The following QKI variants were observed in gnomAD, a reference collection of about 807,000 sequenced individuals.
The protein encoded by QKI is KH domain-containing RNA-binding protein QKI.
In QKI, 10 loss-of-function variants were observed where a neutral mutation model predicts 39.0. That is an observed-to-expected ratio of 0.26 (90% CI 0.16 to 0.43). The LOEUF is 0.43. QKI is among the 20% of genes least tolerant of loss of function. The pLI, the probability that QKI is intolerant of heterozygous loss-of-function variation, is 1.00. For missense variants in QKI, 218 were observed against 428.0 expected (o/e 0.51, Z 4.33); for synonymous variants, 204 against 155.4 (o/e 1.31, Z -2.33).
rs192243895 is a variant in QKI, at chr6:163,475,398, A to G, written c.286-3382A>G. Among the ~76,000 whole-genome samples the G allele has an allele frequency of 2.4e-3, 360 of 152,320 alleles. 1 individual carries two copies. Among genetic ancestry groups the G allele is most frequent in the African/African-American group, 8.3e-3 (347 of 41,568 alleles). On this transcript the variant is annotated intron_variant, in intron 2 of 7. Transcript: ENST00000361752. ...TAACAGTGATTTACACAGTATTTAC[A>G]TTGTATTAGGTATTTTAAGTAATCT...
Position 163,575,512 on chromosome 6 carries a change from A to G in QKI, c.*4802A>G, listed in dbSNP as rs2128254421. The stretch of plus-strand genomic sequence containing the variant: ...CAGTTGAAAGCTGAGCTTTCAGTCA[A>G]GAAGTTGGTGAAATTAATGTCCTTA... On this transcript the variant is annotated 3_prime_UTR_variant, in exon 8 of 8. Coordinates refer to ENST00000361752, the MANE Select transcript of QKI (RefSeq NM_006775.3). The G allele has an allele frequency of 6.6e-6, 1 of 152,334 alleles. No individual in the cohort carries two copies. The highest frequency in any genetic ancestry group is 1.5e-5 in the Non-Finnish European group (1 of 68,026). The allele number at this position is 152,334 out of a possible 1,614,324, so 9.4% of individuals were successfully genotyped here.
intron 3 of QKI, among the ~76,000 whole-genome samples, chr6:163,531,383 C>T (rs978024732): frequency 2.6e-5 from 4 of 152,146 alleles, no homozygotes; most frequent in Non-Finnish European, 5.9e-5. Flanking sequence ...TTCTGGTCTA[C>T]TGCTGGGAAT....
intron 1 of QKI, among the ~76,000 whole-genome samples, chr6:163,426,044 A>G (rs1788378090): frequency 1.3e-5 from 2 of 152,222 alleles, no homozygotes; most frequent in African/African-American, 4.8e-5. Context: ...GTATCTTTAA[A>G]AGTTAACACT....
At chr6:163,513,409 A>G (rs1005559801) in intron 3 of QKI, among the ~76,000 whole-genome samples, 1 of 152,230 alleles carries the variant, frequency 6.6e-6, no homozygotes, top group Non-Finnish European at 1.5e-5. Flanking sequence ...AGATTAATTG[A>G]CAGAGAACTT....
At chr6:163,524,335 TA>T (rs1210235030) in intron 3 of QKI, among the ~76,000 whole-genome samples, 1 of 111,850 alleles carries the variant, frequency 8.9e-6, no homozygotes, top group Admixed American at 1.1e-4. Flanking sequence ...GGTTAAAAAA[TA>T]AATTATCTTA....
intron 2 of QKI, among the ~76,000 whole-genome samples, chr6:163,457,086 T>C (rs911156691): frequency 3.9e-5 from 6 of 152,148 alleles, no homozygotes; most frequent in Non-Finnish European, 8.8e-5. Flanking sequence ...TGGGGTCTAC[T>C]GCTGTTAGGT....
chr6:163,546,842 C>A lies in QKI; in HGVS notation c.546+11717C>A, dbSNP rs894153502. ...TATCCTGCTTATTCATCACAAGGCT[C>A]CTTTATGGGAATTAACTCTGAAACC... On this transcript the variant is annotated intron_variant, in intron 4 of 7. Transcript: ENST00000361752. 2.0e-5 allele frequency among the ~76,000 whole-genome samples: 3 copies of A among 151,894 alleles called. No homozygotes were observed. In the South Asian group the frequency reaches 6.2e-4, roughly 32 times the overall value.
chr6:163,499,348 A>T (rs1778604702), intron 3 of QKI, among the ~76,000 whole-genome samples: 1 of 152,190 alleles, frequency 6.6e-6, no homozygotes, highest in Non-Finnish European at 1.5e-5. Context: ...TAATCTAGAC[A>T]CAGCAAGTGA....
intron 1 of QKI, among the ~76,000 whole-genome samples, chr6:163,454,657 C>G (rs1348674522): frequency 1.3e-5 from 2 of 152,078 alleles, no homozygotes; most frequent in Admixed American, 1.3e-4. Flanking sequence ...TTTCCTTACC[C>G]CTTCCTTTTT....
At chr6:163,515,209 T>C (rs541634835) in intron 3 of QKI, among the ~76,000 whole-genome samples, 1 of 152,286 alleles carries the variant, frequency 6.6e-6, no homozygotes, top group East Asian at 1.9e-4. Context: ...TTTGATGTCC[T>C]CAATGTTATC....
intron 4 of QKI, among the ~76,000 whole-genome samples, chr6:163,560,514 G>A (rs1782928063): frequency 6.6e-6 from 1 of 152,124 alleles, no homozygotes; most frequent in African/African-American, 2.4e-5. Context: ...GGTAGGATTT[G>A]GAAAGAGAGA....
chr6:163,503,885 G>A lies in QKI; in HGVS notation c.402+24989G>A, dbSNP rs186370097. On this transcript the variant is annotated intron_variant, in intron 3 of 7. Coordinates refer to ENST00000361752, the MANE Select transcript of QKI (RefSeq NM_006775.3). ...CTCCTGAGTACCTGGGACTACAGGC[G>A]CCCACCACCACACCGGGCTAATTTT... Among the ~76,000 whole-genome samples, 29 of 151,882 alleles carry A rather than the reference G, an allele frequency of 1.9e-4. No individual in the cohort carries two copies. The East Asian group carries it at 2.1e-3, about 11-fold the overall frequency.
At chr6:163,517,957 G>A (rs1252976896) in intron 3 of QKI, among the ~76,000 whole-genome samples, 1 of 152,102 alleles carries the variant, frequency 6.6e-6, no homozygotes, top group Non-Finnish European at 1.5e-5. Flanking sequence ...TTTAGCTTAT[G>A]TTTAGTAAAT....
Position 163,455,409 on chromosome 6 carries a change from A to C in QKI, c.273A>C (p.Lys91Asn). Residue 91 changes from lysine to asparagine, a missense_variant, in exon 2 of 8, where the codon AAA becomes AAC. Physicochemically the swap from Lys to Asn is moderately conservative, Grantham distance 94. This residue lies in a region of QKI where 61 missense variants were observed against 193.3 expected (regional missense o/e 0.32). Coordinates refer to ENST00000361752, the MANE Select transcript of QKI (RefSeq NM_006775.3). ...AAGAGAAACTTTATGTGCCTGTAAA[A>C]GAATACCCAGATGTAAGTATATTTT... Reference protein sequence around the residue: ...QLQEKLYVPVKEYPDFNFVGR... With the variant: ...QLQEKLYVPVNEYPDFNFVGR... The C allele has an allele frequency of 1.2e-6, 2 of 1,611,550 alleles. No individual in the cohort carries two copies. Among genetic ancestry groups the C allele is most frequent in the Non-Finnish European group, 1.7e-6 (2 of 1,178,144 alleles).
intron 4 of QKI, among the ~76,000 whole-genome samples, chr6:163,538,847 A>G (rs980738729): frequency 6.6e-6 from 1 of 152,222 alleles, no homozygotes; most frequent in African/African-American, 2.4e-5. Flanking sequence ...GTGATATGAT[A>G]TGTGATAACT....
chr6:163,564,758 G>A, intron 6 of QKI: 1 of 1,613,394 alleles, frequency 6.2e-7, no homozygotes, highest in Non-Finnish European at 8.5e-7. Context: ...AACACGACCA[G>A]TCAATGTGGA....
chr6:163,445,229 T>A (rs2128216313), intron 1 of QKI, among the ~76,000 whole-genome samples: 1 of 152,308 alleles, frequency 6.6e-6, no homozygotes, highest in South Asian at 2.1e-4. Context: ...AGGAAATGAG[T>A]ATTGATACAG....
chr6:163,567,331 A>G, intron 7 of QKI: 2 of 985,650 alleles, frequency 2.0e-6, no homozygotes, highest in Non-Finnish European at 2.4e-6. Flanking sequence ...AAAATCAACA[A>G]AGTGAGGACT....
At chr6:163,463,855 GCTGCTACCCATGTTTT>G (rs1791523887) in intron 2 of QKI, among the ~76,000 whole-genome samples, 1 of 152,140 alleles carries the variant, frequency 6.6e-6, no homozygotes, top group Non-Finnish European at 1.5e-5. Context: ...CCTTTATTTT[GCTGCTACCCATGTTTT>G]CTAGCCACCT....
Sources: gnomAD v4.1 joint callset for allele counts (sites outside exome capture counted in the v4.1 genomes callset) on GRCh38, gnomAD v4.1.1 for gene constraint, gnomAD v4.1.1 regional missense constraint, MANE v1.5 for transcripts, NCBI Gene and HGNC (gene_info 2026-07-23, HGNC 2026-07-21) for gene names.